Variants in MAP7 observed in about 807,000 individuals in gnomAD.
MAP7 encodes the protein ensconsin.
In MAP7, 52 loss-of-function variants were observed where a neutral mutation model predicts 94.8. The ratio of observed to expected loss-of-function variants is 0.55; its 90% CI spans 0.44 to 0.69. MAP7 has a LOEUF of 0.69. Ranked by LOEUF, MAP7 falls within the 30% of genes least tolerant of loss-of-function variation. The pLI is 0.00. For missense variants in MAP7, 940 were observed against 964.6 expected, an observed-to-expected ratio of 0.97 and a Z score of 0.34; for synonymous variants, 350 against 357.0, an observed-to-expected ratio of 0.98 and a Z score of 0.22.
At chr6:136,509,327 A>C (rs966350693) in intron 1 of MAP7, among the ~76,000 whole-genome samples, 1 of 152,220 alleles carries the variant, frequency 6.6e-6, no homozygotes, top group Non-Finnish European at 1.5e-5. Flanking sequence ...TTCCTGTTGA[A>C]CTTTAAATTA....
At chr6:136,448,877 A>G (rs1800155695) in intron 1 of MAP7, among the ~76,000 whole-genome samples, 1 of 152,134 alleles carries the variant, frequency 6.6e-6, no homozygotes, top group South Asian at 2.1e-4. Flanking sequence ...ATTATCTTTG[A>G]AAAAGCCTCA....
intron 1 of MAP7, among the ~76,000 whole-genome samples, chr6:136,481,825 C>T (rs193015610): frequency 5.8e-4 from 88 of 152,246 alleles, no homozygotes; most frequent in African/African-American, 2.0e-3. Flanking sequence ...CCCATTTACT[C>T]TGATGTGATT....
chr6:136,352,188 G>GT (rs1286675820), intron 16 of MAP7, among the ~76,000 whole-genome samples: 3 of 105,044 alleles, frequency 2.9e-5, no homozygotes, highest in South Asian at 3.7e-4. Context: ...TCTGCTATTC[G>GT]TATTTTTTTT....
At chr6:136,432,314 T>C (rs1795166243) in intron 1 of MAP7, among the ~76,000 whole-genome samples, 1 of 152,198 alleles carries the variant, frequency 6.6e-6, no homozygotes, top group African/African-American at 2.4e-5. Flanking sequence ...ATTTGATCCA[T>C]CATGAATCCT....
Position 136,389,478 on chromosome 6 carries a change from G to T in MAP7, c.284C>A (p.Ala95Asp). Residue 95 changes from alanine to aspartate, a missense_variant, in exon 4 of 18, where the codon GCC becomes GAC. By Grantham distance (126) the Ala-to-Asp change is moderately radical. Transcript: ENST00000354570. The stretch of plus-strand genomic sequence containing the variant: ...CAGGTGCTTCTCGTAGTGCTGCCTG[G>T]CTCGCTCTTCTCTTTCTAACCACAC... Reference protein sequence around the residue: ...EIVWLEREERARQHYEKHLEE... With the variant: ...EIVWLEREERDRQHYEKHLEE... The T allele has an allele frequency of 6.2e-7, 1 of 1,609,766 alleles. No individual in the cohort carries two copies. Among genetic ancestry groups the T allele is most frequent in the Non-Finnish European group, 8.5e-7 (1 of 1,178,854 alleles).
chr6:136,353,375 A>G (rs768437073), intron 16 of MAP7, among the ~76,000 whole-genome samples: 7 of 152,152 alleles, frequency 4.6e-5, no homozygotes, highest in Non-Finnish European at 8.8e-5. Flanking sequence ...TCATCATGGC[A>G]CTCTGTATTA....
chr6:136,466,709 T>C, intron 1 of MAP7: 1 of 1,520,368 alleles, frequency 6.6e-7, no homozygotes, highest in Non-Finnish European at 8.8e-7. Flanking sequence ...TGCCTGATTC[T>C]TGAACGTCCT....
chr6:136,370,135 C>T lies in MAP7; in HGVS notation c.876+2366G>A, dbSNP rs561588746. On this transcript the variant is annotated intron_variant, in intron 8 of 17. Coordinates refer to ENST00000354570, the MANE Select transcript of MAP7 (RefSeq NM_003980.6). ...AAGACTGGAATTGCCATTTTTCTAA[C>T]GATGACACATGAAAAGCCAACAAGC... Among the ~76,000 whole-genome samples, 33 of 152,158 alleles carry T rather than the reference C, an allele frequency of 2.2e-4. 1 individual carries two copies. Among genetic ancestry groups the T allele is most frequent in the African/African-American group, 3.9e-4 (16 of 41,452 alleles).
At chr6:136,372,412 G>T in intron 8 of MAP7, 89 bp downstream of exon 8, 1 of 1,472,998 alleles carries the variant, frequency 6.8e-7, no homozygotes. Context: ...CCCCTCTTAC[G>T]CCCACACCAC....
intron 1 of MAP7, among the ~76,000 whole-genome samples, chr6:136,495,215 C>T (rs1817825354): frequency 6.6e-6 from 1 of 152,098 alleles, no homozygotes; most frequent in South Asian, 2.1e-4. Context: ...AGGAGAAAGA[C>T]CTTATTTAAG....
At chr6:136,409,594 T>C (rs1786748828) in intron 3 of MAP7, among the ~76,000 whole-genome samples, 1 of 152,252 alleles carries the variant, frequency 6.6e-6, no homozygotes, top group African/African-American at 2.4e-5. Flanking sequence ...TAATGCCTGC[T>C]CTTCTATCCC....
At chr6:136,381,270 C>T (rs1185779009) in intron 6 of MAP7, among the ~76,000 whole-genome samples, 1 of 152,052 alleles carries the variant, frequency 6.6e-6, no homozygotes, top group Non-Finnish European at 1.5e-5. Flanking sequence ...TCTTGACCTC[C>T]CAAGGCTTAG....
At chr6:136,490,127 C>G (rs1456730377) in intron 1 of MAP7, among the ~76,000 whole-genome samples, 1 of 152,064 alleles carries the variant, frequency 6.6e-6, no homozygotes, top group Non-Finnish European at 1.5e-5. Flanking sequence ...ATTATTAACC[C>G]TGTGGTTATT....
chr6:136,434,414 G>A (rs1795815460), intron 1 of MAP7, among the ~76,000 whole-genome samples: 1 of 151,782 alleles, frequency 6.6e-6, no homozygotes, highest in Non-Finnish European at 1.5e-5. Flanking sequence ...TCATCCTGGA[G>A]AACAAAGAAA....
rs774380150 is a variant in MAP7, at chr6:136,535,704, CT to C, written c.67+14637del. ...TAGGATTGAGTGCCAAGCTTAGAAG[CT>C]TTTTTTTTCTTTTTTTTTTAGTATT... On this transcript the variant is annotated intron_variant, in intron 1 of 17. Transcript: ENST00000354570. 1.7e-3 allele frequency among the ~76,000 whole-genome samples: 242 copies of C among 139,096 alleles called. 2 individuals are homozygous for C. The highest frequency in any genetic ancestry group is 6.1e-3 in the African/African-American group (236 of 38,396). 91.3% of individuals were successfully genotyped at this position (139,096 alleles called of 152,430 possible). A position where few individuals can be genotyped will look rare whatever the true frequency, so the allele number is the denominator to read the frequency against.
intron 1 of MAP7, among the ~76,000 whole-genome samples, chr6:136,500,002 A>G (rs1819394616): frequency 6.6e-6 from 1 of 151,792 alleles, no homozygotes; most frequent in African/African-American, 2.4e-5. Flanking sequence ...TCTCAAAAAC[A>G]AACAAACAAA....
chr6:136,544,894 A>G (rs1043388215), intron 1 of MAP7, among the ~76,000 whole-genome samples: 1 of 152,162 alleles, frequency 6.6e-6, no homozygotes, highest in Non-Finnish European at 1.5e-5. Context: ...CAGGAGTTCA[A>G]GTCCAGCCCA....
At position 136,365,967 on chromosome 6, in the gene MAP7, G is replaced by A; in HGVS notation, c.1041C>T (p.Ser347=). 1 of 1,613,632 alleles carries A rather than the reference G, an allele frequency of 6.2e-7. No homozygotes were observed. Among genetic ancestry groups the A allele is most frequent in the Non-Finnish European group, 8.5e-7 (1 of 1,180,030 alleles). The change falls in exon 10 of 18, where the codon TCC becomes TCT. Residue 347 remains serine (S), a synonymous_variant. Coordinates refer to ENST00000354570, the MANE Select transcript of MAP7 (RefSeq NM_003980.6). ...PHLPGTPRPT[S]SLPPGSVKAA... ...CTTTGACTGAGCCGGGTGGCAAGGA[G>A]GATGTCGGTCTGGGTGTGCCAGGCA...
At chr6:136,344,823 G>A (rs918527877) in intron 17 of MAP7, among the ~76,000 whole-genome samples, 1 of 152,216 alleles carries the variant, frequency 6.6e-6, no homozygotes, top group African/African-American at 2.4e-5. Flanking sequence ...GAGAAAAGAA[G>A]AGTAGCTTCA....
Sources: allele counts gnomAD v4.1 joint callset (sites outside exome capture counted in the v4.1 genomes callset), GRCh38; gene constraint gnomAD v4.1.1; transcripts MANE v1.5; gene names NCBI Gene and HGNC (gene_info 2026-07-23, HGNC 2026-07-21).